The following SMC2 variants were observed in gnomAD, a reference collection of about 807,000 sequenced individuals.
The protein encoded by SMC2 is structural maintenance of chromosomes 2.
Under a neutral mutation model 142.6 loss-of-function variants are expected in SMC2, and 41 were observed. The observed-to-expected ratio is 0.29, with a 90% confidence interval of 0.22 to 0.37. The LOEUF is 0.37. Ranked by LOEUF, SMC2 falls within the 10% of genes least tolerant of loss-of-function variation. The probability of loss-of-function intolerance (pLI) is 1.00; values close to 1 mark genes in which losing one functional copy is unlikely to be tolerated. For synonymous variants in SMC2, 463 were observed against 457.5 expected (o/e 1.01, Z -0.15); for missense variants, 1,265 against 1,373.7 (o/e 0.92, Z 1.25).
intron 23 of SMC2, among the ~76,000 whole-genome samples, chr9:104,136,892 C>A (rs895940237): frequency 2.0e-5 from 3 of 151,292 alleles, no homozygotes; most frequent in Non-Finnish European, 2.9e-5. Context: ...TGCCTGTAAT[C>A]CCAGCAGTTT....
intron 22 of SMC2, among the ~76,000 whole-genome samples, chr9:104,134,024 C>G (rs1045319085): frequency 2.0e-5 from 3 of 151,858 alleles, no homozygotes; most frequent in Non-Finnish European, 4.4e-5. Context: ...TCATGTGATA[C>G]AATTGTGTGT....
At chr9:104,115,512 T>TTGCGGTAAGC (rs201551877) in intron 13 of SMC2, among the ~76,000 whole-genome samples, 4 of 151,846 alleles carry the variant, frequency 2.6e-5, no homozygotes, top group African/African-American at 9.7e-5. Flanking sequence ...GAAGTGGAGG[T>TTGCGGTAAGC]TGCGGTAAGC....
At position 104,137,105 on chromosome 9, in the gene SMC2, G is replaced by A. The variant is rs1029907070; in HGVS notation, c.3270-913G>A. 3.3e-5 allele frequency among the ~76,000 whole-genome samples: 5 copies of A among 152,110 alleles called. No individual in the cohort carries two copies. In the East Asian group the frequency reaches 9.7e-4, roughly 30 times the overall value. The stretch of plus-strand genomic sequence containing the variant: ...AGAGGTTGCAGTGAACCGAGATTGT[G>A]CTACTGCACTTCATCCGGGGTGACA... On this transcript the variant is annotated intron_variant, in intron 23 of 24. Transcript: ENST00000374793.
At chr9:104,107,201 A>G (rs1490840141) in intron 9 of SMC2, among the ~76,000 whole-genome samples, 1 of 152,216 alleles carries the variant, frequency 6.6e-6, no homozygotes, top group East Asian at 1.9e-4. Flanking sequence ...TAAGCACCCA[A>G]GTAAGAGTGG....
chr9:104,119,608 T>C (rs75274166), intron 15 of SMC2, among the ~76,000 whole-genome samples: 1 of 152,032 alleles, frequency 6.6e-6, no homozygotes, highest in Non-Finnish European at 1.5e-5. Flanking sequence ...TGTGAAGGAG[T>C]AGTCGTCTCT....
intron 24 of SMC2, among the ~76,000 whole-genome samples, chr9:104,138,496 G>A (rs543073259): frequency 1.8e-4 from 27 of 152,198 alleles, no homozygotes; most frequent in African/African-American, 6.3e-4. Context: ...AACTGTCTCC[G>A]GGATATTTAA....
chr9:104,112,933 T>C (rs1832653535), intron 10 of SMC2, among the ~76,000 whole-genome samples: 1 of 152,126 alleles, frequency 6.6e-6, no homozygotes, highest in Non-Finnish European at 1.5e-5. Flanking sequence ...CTCACAAATA[T>C]ATACACATAC....
intron 9 of SMC2, among the ~76,000 whole-genome samples, chr9:104,108,681 A>G (rs1832090081): frequency 1.3e-5 from 2 of 152,242 alleles, no homozygotes; most frequent in South Asian, 4.1e-4. Flanking sequence ...CTAGTTACCA[A>G]CCTGTCAGTG....
intron 21 of SMC2, among the ~76,000 whole-genome samples, chr9:104,131,101 T>C (rs1272186307): frequency 6.6e-6 from 1 of 152,058 alleles, no homozygotes; most frequent in Admixed American, 6.6e-5. Context: ...ATGTAGGGCT[T>C]TGAGGAGAAA....
At chr9:104,116,620 A>G (rs899201373) in intron 14 of SMC2, among the ~76,000 whole-genome samples, 2 of 152,194 alleles carry the variant, frequency 1.3e-5, no homozygotes, top group African/African-American at 2.4e-5. Context: ...CTGAGCTTCT[A>G]GATACGTACC....
upstream of SMC2, chr9:104,092,844 G>A (rs986712759): frequency 1.3e-5 from 2 of 152,174 alleles, no homozygotes; most frequent in South Asian, 4.1e-4. Context: ...CCTACGCTAT[G>A]GTCTAAATGT....
At chr9:104,128,034 A>AAAG (rs1192321436) in intron 20 of SMC2, among the ~76,000 whole-genome samples, 1 of 152,226 alleles carries the variant, frequency 6.6e-6, no homozygotes, top group Non-Finnish European at 1.5e-5. Flanking sequence ...TCAGTGCTTT[A>AAAG]AAGATAACAC....
At chr9:104,090,366 G>C (rs1829969045), upstream of SMC2, among the ~76,000 whole-genome samples, 1 of 152,138 alleles carries the variant, frequency 6.6e-6, no homozygotes, top group African/African-American at 2.4e-5. Context: ...ACAAGGCTGA[G>C]CTTTGATGAG....
At chr9:104,113,537 A>G in intron 11 of SMC2, 62 bp downstream of exon 11, 1 of 1,341,662 alleles carries the variant, frequency 7.5e-7, no homozygotes, top group Non-Finnish European at 1.0e-6. Context: ...ATAAAAAGCT[A>G]ATTTAAATAA....
chr9:104,094,174 A>G (rs1830184822), upstream of SMC2: 1 of 389,396 alleles, frequency 2.6e-6, no homozygotes, highest in Non-Finnish European at 4.5e-6. Flanking sequence ...CATTATCGAG[A>G]CTCTCATTCT....
intron 2 of SMC2, among the ~76,000 whole-genome samples, 168 bp downstream of exon 2, chr9:104,095,720 ATAGAAACT>A (rs1375688578): frequency 6.6e-6 from 1 of 152,220 alleles, no homozygotes; most frequent in Non-Finnish European, 1.5e-5. Context: ...AGATGAGAAA[ATAGAAACT>A]TAGAGATGTT....
chr9:104,094,204 C>T (rs1022460440), upstream of SMC2: 6 of 394,584 alleles, frequency 1.5e-5, no homozygotes, highest in Non-Finnish European at 2.2e-5. Context: ...CGGCTTTAAT[C>T]CTTCGAGTGT....
At chr9:104,101,933 ATTC>A (rs745847268) in intron 7 of SMC2, 24 bp from the exon 8 acceptor site, 68 of 1,377,946 alleles carry the variant, frequency 4.9e-5, no homozygotes, top group Non-Finnish European at 6.8e-5. Context: ...ATTTTGAGTT[ATTC>A]TTTTTTTGTG....
intron 23 of SMC2, 30 bp downstream of exon 23, chr9:104,134,605 T>G (rs373444451): frequency 3.5e-6 from 2 of 576,592 alleles, no homozygotes; most frequent in Non-Finnish European, 2.6e-6. Context: ...TATTATAATT[T>G]TCATTCCTCT....
Sources: allele counts gnomAD v4.1 joint callset (sites outside exome capture counted in the v4.1 genomes callset), GRCh38; gene constraint gnomAD v4.1.1; transcripts MANE v1.5; gene names NCBI Gene and HGNC (gene_info 2026-07-23, HGNC 2026-07-21).